PCDHGA2: variants seen among roughly 807,000 people sequenced by gnomAD.
PCDHGA2 encodes the protein protocadherin gamma subfamily A, 2, also known as protocadherin gamma-A2.
In PCDHGA2, 40 loss-of-function variants were observed where a neutral mutation model predicts 59.2. The ratio of observed to expected loss-of-function variants is 0.68; its 90% CI spans 0.52 to 0.88. The LOEUF (loss-of-function observed/expected upper bound fraction) is 0.88. Among genes scored for constraint, PCDHGA2 ranks in the 40% least tolerant of loss-of-function variants. PCDHGA2 has a pLI of 0.00. For synonymous variants in PCDHGA2, 560 were observed against 526.0 expected, an observed-to-expected ratio of 1.06 and a Z score of -0.89; for missense variants, 1,226 against 1,204.0, an observed-to-expected ratio of 1.02 and a Z score of -0.27.
At position 141,511,345 on chromosome 5, in the gene PCDHGA2, T is replaced by C; in HGVS notation, c.*172T>C. ...AAGTGCCCAGTCAGCACCTACCCCT[T>C]CCCCCCCAGGGGGTTGAATATGCAA... On this transcript the variant is annotated 3_prime_UTR_variant, in exon 4 of 4. Transcript: ENST00000394576. The C allele has an allele frequency of 1.4e-6, 2 of 1,410,502 alleles. No homozygotes were observed. The highest frequency in any genetic ancestry group is 9.4e-7 in the Non-Finnish European group (1 of 1,060,676). 87.4% of individuals were successfully genotyped at this position (1,410,502 alleles called of 1,614,324 possible).
At chr5:141,428,155 G>A (rs767716956) in intron 1 of PCDHGA2, 7 of 1,581,618 alleles carry the variant, frequency 4.4e-6, no homozygotes, top group East Asian at 2.2e-5. Flanking sequence ...ACGGGAACCT[G>A]CTGGTTGCTG....
intron 1 of PCDHGA2, among the ~76,000 whole-genome samples, chr5:141,459,804 C>G (rs2098975712): frequency 6.6e-6 from 1 of 152,192 alleles, no homozygotes; most frequent in Non-Finnish European, 1.5e-5. Context: ...TCCCTGTTGA[C>G]TAGAGACACT....
chr5:141,418,064 A>T, intron 1 of PCDHGA2: 1 of 1,614,006 alleles, frequency 6.2e-7, no homozygotes, highest in Non-Finnish European at 8.5e-7. Flanking sequence ...GCTGCGAGTG[A>T]GCGCGGAGAA....
chr5:141,476,613 G>T lies in PCDHGA2; in HGVS notation c.2425-18194G>T. On this transcript the variant is annotated intron_variant, in intron 1 of 3. Coordinates refer to ENST00000394576, the MANE Select transcript of PCDHGA2 (RefSeq NM_018915.4). The surrounding 1 kb of genome is among the most constrained non-coding windows in gnomAD (Gnocchi z 7.6). ...AGCGCGCACGATCCCGATGTGGGAA[G>T]CAACTCTTTACAAACCTATGAGCTG... 2 of 1,614,266 alleles carry T rather than the reference G, an allele frequency of 1.2e-6. No homozygotes were observed. The highest frequency in any genetic ancestry group is 2.7e-5 in the African/African-American group (2 of 75,078).
chr5:141,395,036 G>C, intron 1 of PCDHGA2: 2 of 1,614,110 alleles, frequency 1.2e-6, no homozygotes, highest in South Asian at 1.1e-5. Context: ...CACATTTTGT[G>C]GGTGTTGAGG....
At position 141,405,389 on chromosome 5, in the gene PCDHGA2, T is replaced by C. The variant is rs577174600; in HGVS notation, c.2424+63994T>C. ...CCCTTTGGTTCCGGTGAGTTCATTT[T>C]TTTTCTTTCTTTCTTTTCTTTTTTT... On this transcript the variant is annotated intron_variant, in intron 1 of 3. Transcript: ENST00000394576. The C allele has an allele frequency of 2.5e-6, 4 of 1,600,534 alleles. No individual in the cohort carries two copies. The East Asian group carries it at 6.7e-5, about 27-fold the overall frequency.
At chr5:141,374,365 G>T (rs1180030505) in intron 1 of PCDHGA2, 2 of 1,614,054 alleles carry the variant, frequency 1.2e-6, no homozygotes, top group South Asian at 1.1e-5. Flanking sequence ...ACCGCGAGGA[G>T]CTCTGTGCTC....
At position 141,364,870 on chromosome 5, in the gene PCDHGA2, G is replaced by A. The variant is rs767440295; in HGVS notation, c.2424+23475G>A. On this transcript the variant is annotated intron_variant, in intron 1 of 3. Coordinates refer to ENST00000394576, the MANE Select transcript of PCDHGA2 (RefSeq NM_018915.4). Reference sequence around the variant, plus strand: ...TCAGCTCCAATCTGCACTTCTCTCTGGATGTGGTAAGCGGAACTGATGGAC... The same window carrying A: ...TCAGCTCCAATCTGCACTTCTCTCTAGATGTGGTAAGCGGAACTGATGGAC... The A allele has an allele frequency of 1.1e-5, 17 of 1,613,978 alleles. No individual in the cohort carries two copies. In the Admixed American group the frequency reaches 1.8e-4, roughly 17 times the overall value.
chr5:141,382,171 G>A (rs1325332399), intron 1 of PCDHGA2, among the ~76,000 whole-genome samples: 3 of 151,984 alleles, frequency 2.0e-5, no homozygotes, highest in East Asian at 3.8e-4. Flanking sequence ...GTGTTAGACC[G>A]TCTCTAAGGT....
At chr5:141,419,422 C>T (rs374564347) in intron 1 of PCDHGA2, 9 of 1,613,378 alleles carry the variant, frequency 5.6e-6, no homozygotes, top group Non-Finnish European at 7.6e-6. Flanking sequence ...GCGCCTTCGA[C>T]CACGAGCAGC....
intron 1 of PCDHGA2, chr5:141,404,926 C>CA (rs765817542): frequency 1.2e-6 from 2 of 1,613,884 alleles, no homozygotes; most frequent in Non-Finnish European, 1.7e-6. Context: ...CGGCCACTGT[C>CA]ACGCTCACAG....
chr5:141,399,241 T>C, intron 1 of PCDHGA2: 3 of 1,613,950 alleles, frequency 1.9e-6, no homozygotes, highest in South Asian at 1.1e-5. Flanking sequence ...TGACCAAGAT[T>C]CTGGGGAAAA....
At chr5:141,394,658 A>G (rs755560495) in intron 1 of PCDHGA2, 1 of 1,610,022 alleles carries the variant, frequency 6.2e-7, no homozygotes, top group South Asian at 1.1e-5. Flanking sequence ...GCGAGCCGGG[A>G]CTCTTCTCGG....
chr5:141,359,959 G>A (rs1257380255), intron 1 of PCDHGA2: 4 of 590,976 alleles, frequency 6.8e-6, no homozygotes, highest in South Asian at 5.4e-5. Context: ...AAAGAACGAA[G>A]AGAAGCGTTT....
At position 141,340,844 on chromosome 5, in the gene PCDHGA2, G is replaced by A; in HGVS notation, c.1873G>A (p.Glu625Lys). ...GLFSVGLHTGEVRTARALLDR... is the reference protein window; with the variant it reads ...GLFSVGLHTGKVRTARALLDR... ...CTTCTCGGTGGGTCTGCACACGGGC[G>A]AGGTGCGCACGGCGCGAGCCCTGCT... The change falls in exon 1 of 4, where the codon GAG becomes AAG. Residue 625 changes from glutamate to lysine, a missense_variant. Glu to Lys is a moderately conservative substitution (Grantham distance 56). Transcript: ENST00000394576. 2.5e-6 allele frequency: 4 copies of A among 1,612,600 alleles called. No individual in the cohort carries two copies. Among genetic ancestry groups the A allele is most frequent in the Non-Finnish European group, 3.4e-6 (4 of 1,179,654 alleles).
Position 141,395,019 on chromosome 5 carries a change from C to G in PCDHGA2, c.2424+53624C>G, listed in dbSNP as rs374672662. On this transcript the variant is annotated intron_variant, in intron 1 of 3. Transcript: ENST00000394576. ...TTCCGGTGGCAGATTGGTAGGCGTG[C>G]CTGCCTCACATTTTGTGGGTGTTGA... The G allele has an allele frequency of 3.7e-6, 6 of 1,613,986 alleles. No homozygotes were observed. Among genetic ancestry groups the G allele is most frequent in the Non-Finnish European group, 5.1e-6 (6 of 1,180,016 alleles).
In PCDHGA2 at chr5:141,341,195, G is replaced by C; in HGVS notation, c.2224G>C (p.Gly742Arg). The C allele has an allele frequency of 6.2e-7, 1 of 1,614,222 alleles. No individual in the cohort carries two copies. Among genetic ancestry groups the C allele is most frequent in the Non-Finnish European group, 8.5e-7 (1 of 1,180,044 alleles). ...LTGMQSSHFV[G>R]VDGVRAFLQT... ...AGGCATGCAGAGCTCGCACTTTGTG[G>C]GCGTGGACGGGGTTCGGGCTTTCCT... The change falls in exon 1 of 4, where the codon GGC becomes CGC. Residue 742 changes from glycine to arginine, a missense_variant. Physicochemically the swap from Gly to Arg is moderately radical, Grantham distance 125. Coordinates refer to ENST00000394576, the MANE Select transcript of PCDHGA2 (RefSeq NM_018915.4).
Position 141,477,856 on chromosome 5 carries a change from G to T in PCDHGA2, c.2425-16951G>T, listed in dbSNP as rs773703641. ...CAGGTGGGAGCTCGGTGGAGATGCTGCCTCGAGGTACCTCAGCTGGCCACC... is the reference window on the plus strand; with the variant it reads ...CAGGTGGGAGCTCGGTGGAGATGCTTCCTCGAGGTACCTCAGCTGGCCACC... On this transcript the variant is annotated intron_variant, in intron 1 of 3. Coordinates refer to ENST00000394576, the MANE Select transcript of PCDHGA2 (RefSeq NM_018915.4). This position sits in a 1 kb window ranked among gnomAD's most constrained non-coding sequence, Gnocchi z 4.9. 1 of 1,613,474 alleles carries T rather than the reference G, an allele frequency of 6.2e-7. No homozygotes were observed. Among genetic ancestry groups the T allele is most frequent in the Non-Finnish European group, 8.5e-7 (1 of 1,179,854 alleles).
chr5:141,414,723 C>A (rs775890033), intron 1 of PCDHGA2: 2 of 1,614,170 alleles, frequency 1.2e-6, no homozygotes, highest in South Asian at 2.2e-5. Flanking sequence ...CAGACACTGG[C>A]GTCCTGTATG....
Sources: gnomAD v4.1 joint callset for allele counts (sites outside exome capture counted in the v4.1 genomes callset) on GRCh38, gnomAD v4.1.1 for gene constraint, Gnocchi (gnomAD v3.1) non-coding constraint, MANE v1.5 for transcripts, NCBI Gene and HGNC (gene_info 2026-07-23, HGNC 2026-07-21) for gene names.